SIMC1: variants seen among roughly 807,000 people sequenced by gnomAD.
SIMC1 encodes SUMO interacting motifs containing 1, also known as SUMO-interacting motif-containing protein 1.
In SIMC1, 55 loss-of-function variants were observed where a neutral mutation model predicts 82.3. The ratio of observed to expected loss-of-function variants is 0.67; its 90% CI spans 0.54 to 0.84. The LOEUF is 0.84. Among genes scored for constraint, SIMC1 ranks in the 40% least tolerant of loss-of-function variants. SIMC1 has a pLI of 0.00. For missense variants in SIMC1, 915 were observed against 1,107.2 expected (o/e 0.83, Z 2.46); for synonymous variants, 353 against 426.3 (o/e 0.83, Z 2.12).
chr5:176,257,364 G>C (rs2113136404), intron 1 of SIMC1, among the ~76,000 whole-genome samples: 1 of 152,072 alleles, frequency 6.6e-6, no homozygotes, highest in East Asian at 1.9e-4. Context: ...AATTGATCAA[G>C]AAAAGAGCTC....
chr5:176,284,620 G>A (rs746603566), intron 1 of SIMC1, among the ~76,000 whole-genome samples: 3 of 152,106 alleles, frequency 2.0e-5, no homozygotes, highest in South Asian at 2.1e-4. Flanking sequence ...AAGAACTACA[G>A]AAGCAAGAGC....
intron 1 of SIMC1, among the ~76,000 whole-genome samples, chr5:176,286,809 G>A (rs929986160): frequency 6.6e-6 from 1 of 152,162 alleles, no homozygotes; most frequent in Admixed American, 6.6e-5. Flanking sequence ...CTATCAAAAA[G>A]TGGGCGAAAT....
At position 176,290,920 on chromosome 5, in the gene SIMC1, T is replaced by C. The variant is rs1270146089; in HGVS notation, c.1396T>C (p.Phe466Leu). 1 of 1,607,404 alleles carries C rather than the reference T, an allele frequency of 6.2e-7. No homozygotes were observed. Among genetic ancestry groups the C allele is most frequent in the Non-Finnish European group, 8.5e-7 (1 of 1,175,986 alleles). Residue 466 changes from phenylalanine (F) to leucine (L), a missense_variant, in exon 2 of 10, where the codon TTT (phenylalanine) becomes CTT (leucine). Around this residue, in one of 2 missense-constraint regions of SIMC1, gnomAD observed 902 missense variants for 1,040.3 expected, o/e 0.87. Transcript: ENST00000429602. ...ACGTCCTCCGGTTCATCACCTCTTC[T>C]TTCAGACGCTAATACCGGATAAAGA... ...FLRPPVHHLF[F>L]QTLIPDKDTR... is the part of the protein sequence containing the mutation.
At chr5:176,325,619 G>A (rs1765361004) in intron 7 of SIMC1, among the ~76,000 whole-genome samples, 1 of 152,108 alleles carries the variant, frequency 6.6e-6, no homozygotes, top group Admixed American at 6.5e-5. Context: ...CCTGGAGGCG[G>A]AGCTTGCAGT....
intron 1 of SIMC1, among the ~76,000 whole-genome samples, chr5:176,269,630 A>G (rs2113171355): frequency 6.6e-6 from 1 of 152,380 alleles, no homozygotes; most frequent in South Asian, 2.1e-4. Context: ...CACAACTTAA[A>G]TAGAAGGGGT....
Position 176,240,623 on chromosome 5 carries a change from T to C in SIMC1, c.129+1986T>C, listed in dbSNP as rs1195824697. ...ATTCTCGTTTTATCTTTTTTGCAAA[T>C]TAGATAAGAGTGGTATGATAACCAT... On this transcript the variant is annotated intron_variant, in intron 1 of 9. Coordinates refer to ENST00000429602, the MANE Select transcript of SIMC1 (RefSeq NM_001308195.2). 4.3e-5 allele frequency among the ~76,000 whole-genome samples: 4 copies of C among 93,758 alleles called. 1 individual carries two copies. The highest frequency in any genetic ancestry group is 9.5e-5 in the Non-Finnish European group (4 of 42,016). The allele number at this position is 93,758 out of a possible 152,430, so 61.5% of individuals were successfully genotyped here.
intron 1 of SIMC1, among the ~76,000 whole-genome samples, chr5:176,253,560 G>T (rs1761759077): frequency 6.6e-6 from 1 of 152,056 alleles, no homozygotes; most frequent in Admixed American, 6.6e-5. Context: ...ACCTATCCTG[G>T]ATTGTTGGTC....
At chr5:176,337,270 AG>A (rs1765943398) in intron 9 of SIMC1, 124 bp downstream of exon 9, 1 of 833,756 alleles carries the variant, frequency 1.2e-6, no homozygotes, top group Admixed American at 2.6e-5. Context: ...ACTTATTATA[AG>A]GGATAAGAAA....
chr5:176,325,491 C>T (rs1765352286), intron 7 of SIMC1, among the ~76,000 whole-genome samples: 1 of 152,066 alleles, frequency 6.6e-6, no homozygotes, highest in Admixed American at 6.5e-5. Flanking sequence ...CGAGACCATC[C>T]TGGCTAATGC....
intron 1 of SIMC1, among the ~76,000 whole-genome samples, chr5:176,247,994 G>A (rs1361333672): frequency 1.3e-5 from 2 of 151,886 alleles, no homozygotes; most frequent in Admixed American, 6.6e-5. Context: ...GTACCATCCT[G>A]TTTTGGTTAC....
intron 1 of SIMC1, among the ~76,000 whole-genome samples, chr5:176,279,757 G>T (rs1762895332): frequency 6.6e-6 from 1 of 151,500 alleles, no homozygotes; most frequent in Non-Finnish European, 1.5e-5. Context: ...GGAGCAGGTT[G>T]TTCAGTTTCC....
chr5:176,271,963 A>G (rs1466775228), intron 1 of SIMC1, among the ~76,000 whole-genome samples: 1 of 145,074 alleles, frequency 6.9e-6, no homozygotes, highest in African/African-American at 2.5e-5. Flanking sequence ...TATTATGTAT[A>G]TAATGTATAT....
At position 176,290,069 on chromosome 5, in the gene SIMC1, T is replaced by C. The variant is rs574871564; in HGVS notation, c.545T>C (p.Val182Ala). 8.7e-6 allele frequency: 14 copies of C among 1,609,636 alleles called. No individual in the cohort carries two copies. Among genetic ancestry groups the C allele is most frequent in the Non-Finnish European group, 1.2e-5 (14 of 1,177,848 alleles). ...FLASLQLSSD[V>A]SSLSPTSNNS... ...GCAAGTCTACAGCTGTCTTCAGATG[T>C]TAGCTCCCTCTCCCCAACAAGCAAT... The change falls in exon 2 of 10, where the codon GTT (valine) becomes GCT (alanine). Residue 182 changes from valine to alanine, a missense_variant. Transcript: ENST00000429602.
intron 1 of SIMC1, among the ~76,000 whole-genome samples, chr5:176,282,423 G>A (rs1449517551): frequency 6.6e-6 from 1 of 152,234 alleles, no homozygotes; most frequent in Non-Finnish European, 1.5e-5. Flanking sequence ...GCTCGCGCAT[G>A]GTGCGCTGCA....
intron 1 of SIMC1, among the ~76,000 whole-genome samples, chr5:176,284,197 T>C (rs1012554540): frequency 9.9e-5 from 15 of 152,164 alleles, no homozygotes; most frequent in African/African-American, 3.4e-4. Context: ...TACAGAACTC[T>C]CCACCCCAAA....
chr5:176,303,291 G>T, intron 4 of SIMC1, among the ~76,000 whole-genome samples: 1 of 146,942 alleles, frequency 6.8e-6, no homozygotes. Flanking sequence ...AAAAAAAGTT[G>T]GTATCTTGCA....
At chr5:176,255,928 G>T (rs1467620017) in intron 1 of SIMC1, among the ~76,000 whole-genome samples, 1 of 152,020 alleles carries the variant, frequency 6.6e-6, no homozygotes, top group East Asian at 1.9e-4. Flanking sequence ...CAAACAAAAA[G>T]ATATACCGTC....
chr5:176,309,105 C>T (rs1184259635), intron 4 of SIMC1: 7 of 666,650 alleles, frequency 1.1e-5, no homozygotes, highest in Non-Finnish European at 1.9e-5. Context: ...GGAGGACTCA[C>T]ATTACCTGAC....
At chr5:176,245,088 C>T (rs189757157) in intron 1 of SIMC1, among the ~76,000 whole-genome samples, 4 of 152,226 alleles carry the variant, frequency 2.6e-5, no homozygotes, top group Non-Finnish European at 4.4e-5. Flanking sequence ...ACTGTATCTC[C>T]TAAAAAGATG....
Sources: allele counts gnomAD v4.1 joint callset (sites outside exome capture counted in the v4.1 genomes callset), GRCh38; gene constraint gnomAD v4.1.1; regional missense constraint gnomAD v4.1.1; transcripts MANE v1.5; gene names NCBI Gene and HGNC (gene_info 2026-07-23, HGNC 2026-07-21).